C4orf50: variants seen among roughly 807,000 people sequenced by gnomAD.
C4orf50 encodes the protein uncharacterized protein C4orf50.
Under a neutral mutation model 77.2 loss-of-function variants are expected in C4orf50, and 80 were observed. That is an observed-to-expected ratio of 1.04 (90% CI 0.87 to 1.25). The LOEUF is 1.25. Ranked by LOEUF, C4orf50 falls within the 50% of genes most tolerant of loss-of-function variation. The probability of loss-of-function intolerance (pLI) is 0.00; values close to 1 mark genes in which losing one functional copy is unlikely to be tolerated. For synonymous variants in C4orf50, 532 were observed against 465.3 expected, an observed-to-expected ratio of 1.14 and a Z score of -1.84; for missense variants, 1,257 against 1,152.9, an observed-to-expected ratio of 1.09 and a Z score of -1.31.
At chr4:5,985,499 T>C (rs914959024) in intron 28 of C4orf50, among the ~76,000 whole-genome samples, 16 of 152,024 alleles carry the variant, frequency 1.1e-4, no homozygotes, top group African/African-American at 3.9e-4. Context: ...TTTAAATAGT[T>C]ACTAGATACA....
At chr4:5,989,566 C>A (rs769149611) in exon 28 of C4orf50, 1 of 1,536,034 alleles carries the variant, frequency 6.5e-7, no homozygotes, top group African/African-American at 1.4e-5. Flanking sequence ...TGAGCACTGC[C>A]AGCCCCTGCT....
chr4:6,009,070 T>C lies in C4orf50; in HGVS notation c.427-538A>G, dbSNP rs935307431. Among the ~76,000 whole-genome samples, 1 of 151,816 alleles carries C rather than the reference T, an allele frequency of 6.6e-6. No homozygotes were observed. Among genetic ancestry groups the C allele is most frequent in the African/African-American group, 2.4e-5 (1 of 41,318 alleles). On this transcript the variant is annotated intron_variant, in intron 24 of 33. Coordinates refer to ENST00000531445, the Ensembl canonical transcript of C4orf50. This position sits in a 1 kb window ranked among gnomAD's most constrained non-coding sequence, Gnocchi z 5.6. Reference sequence around the variant, plus strand: ...TGTGGATACTCCACCTGGAGGGAGGTACGTTACTAGCCTGAGAGACACTCA... The same window carrying C: ...TGTGGATACTCCACCTGGAGGGAGGCACGTTACTAGCCTGAGAGACACTCA...
intron 7 of C4orf50, among the ~76,000 whole-genome samples, chr4:5,914,511 G>A (rs1487405770): frequency 2.0e-5 from 3 of 151,868 alleles, no homozygotes; most frequent in African/African-American, 7.3e-5. Flanking sequence ...GCCTTTTATG[G>A]GTTTTAATGT....
At chr4:6,003,701 A>C (rs1721958904) in intron 25 of C4orf50, among the ~76,000 whole-genome samples, 1 of 138,070 alleles carries the variant, frequency 7.2e-6, no homozygotes, top group Admixed American at 7.3e-5. Flanking sequence ...GATGATAGTG[A>C]TGGTGATGAT....
chr4:5,996,868 G>T (rs1046207645), intron 25 of C4orf50, among the ~76,000 whole-genome samples: 5 of 152,220 alleles, frequency 3.3e-5, no homozygotes, highest in Admixed American at 6.5e-5. Context: ...GCTGTCCCAC[G>T]TTCTCACGGT....
At position 5,901,074 on chromosome 4, in the gene C4orf50, A is replaced by C. The variant is rs1179300621; in HGVS notation, c.*2475-2886T>G. ...ACCTATTTTAAGAACAGTGCCTAGC[A>C]GTTCATGGGGAAACGTTGCTATGCC... On this transcript the variant is annotated intron_variant, in intron 7 of 7. Transcript: ENST00000324058. This position sits in a 1 kb window ranked among gnomAD's most constrained non-coding sequence, Gnocchi z 4.4. The C allele has an allele frequency of 6.6e-6, 1 of 152,240 alleles. No individual in the cohort carries two copies. 9.4% of individuals were successfully genotyped at this position (152,240 alleles called of 1,614,324 possible). A position where few individuals can be genotyped will look rare whatever the true frequency, so the allele number is the denominator to read the frequency against.
At chr4:5,980,236 C>T (rs115995866) in exon 29 of C4orf50, 1 of 1,611,806 alleles carries the variant, frequency 6.2e-7, no homozygotes, top group Non-Finnish European at 8.5e-7. Context: ...TGGGCAGCGC[C>T]CTGGTCCCTG....
At chr4:5,950,973 G>A (rs1718689491) in intron 7 of C4orf50, among the ~76,000 whole-genome samples, 1 of 152,236 alleles carries the variant, frequency 6.6e-6, no homozygotes, top group Non-Finnish European at 1.5e-5. Flanking sequence ...AAGCATGAGT[G>A]AGACAAGGTG....
At chr4:5,927,987 C>G (rs882219) in intron 7 of C4orf50, among the ~76,000 whole-genome samples, 1 of 151,962 alleles carries the variant, frequency 6.6e-6, no homozygotes, top group Non-Finnish European at 1.5e-5. Flanking sequence ...CAAGCTCCAC[C>G]GCACAGGAGG....
chr4:5,898,905 T>C (rs966657094), intron 7 of C4orf50: 1 of 152,356 alleles, frequency 6.6e-6, no homozygotes, highest in Admixed American at 6.5e-5. Flanking sequence ...TTTCCATTAC[T>C]CAATACATTA....
chr4:5,980,320 C>T (rs772043256), exon 29 of C4orf50: 25 of 1,610,914 alleles, frequency 1.6e-5, no homozygotes, highest in South Asian at 3.3e-5. Flanking sequence ...TCAGTAACCT[C>T]GGCCTCTGAG....
intron 7 of C4orf50, among the ~76,000 whole-genome samples, chr4:5,950,863 T>A (rs1253603662): frequency 1.3e-5 from 2 of 152,190 alleles, no homozygotes; most frequent in Non-Finnish European, 2.9e-5. Context: ...TAAGCATTGA[T>A]CATGGGAATG....
Position 5,968,611 on chromosome 4 carries a change from T to G in C4orf50, c.4105-1149A>C, listed in dbSNP as rs530632814. On this transcript the variant is annotated intron_variant, in intron 31 of 33. Transcript: ENST00000531445. ...CAGCCTTGAGACCTTCACTCTATCC[T>G]TCCAGCTGTTAAATCCTGCTTTCTG... Among the ~76,000 whole-genome samples, 13 of 152,324 alleles carry G rather than the reference T, an allele frequency of 8.5e-5. No homozygotes were observed. The South Asian group carries it at 1.9e-3, about 22-fold the overall frequency.
chr4:5,961,238 C>A (rs940748296), intron 33 of C4orf50, among the ~76,000 whole-genome samples: 6 of 152,184 alleles, frequency 3.9e-5, no homozygotes, highest in Non-Finnish European at 7.3e-5. Flanking sequence ...TCGCTCAAAC[C>A]TGGGAGGCAG....
rs147713259 is a variant in C4orf50 at position 5,972,587 on chromosome 4, C to T, written c.4104+1072G>A. ...ATGATTTGGACCAGAGGGGACCTCTCAAGGCTGTGAGGAAAAGGAAGGGTC... is the reference window on the plus strand; with the variant it reads ...ATGATTTGGACCAGAGGGGACCTCTTAAGGCTGTGAGGAAAAGGAAGGGTC... On this transcript the variant is annotated intron_variant, in intron 31 of 33. Coordinates refer to ENST00000531445, the Ensembl canonical transcript of C4orf50. Among the ~76,000 whole-genome samples the T allele has an allele frequency of 8.3e-3, 1,269 of 152,308 alleles. 22 individuals are homozygous for T. Among genetic ancestry groups the T allele is most frequent in the African/African-American group, 0.029 (1,194 of 41,564 alleles).
rs1721327965 is a variant in C4orf50, at chr4:5,992,192, T to C, written c.1221+611A>G. 1.3e-5 allele frequency among the ~76,000 whole-genome samples: 2 copies of C among 152,142 alleles called. No individual in the cohort carries two copies. The highest frequency in any genetic ancestry group is 4.1e-4 in the South Asian group (2 of 4,826). On this transcript the variant is annotated intron_variant, in intron 27 of 33. Coordinates refer to ENST00000531445, the Ensembl canonical transcript of C4orf50. The surrounding 1 kb of genome is among the most constrained non-coding windows in gnomAD (Gnocchi z 5.0). ...GACATCCAACAACAAAAATAAGAGA[T>C]ACATCGTGAGCAGGATGTGAATGAA...
chr4:5,991,937 A>G (rs1382831747), intron 27 of C4orf50, among the ~76,000 whole-genome samples: 1 of 152,200 alleles, frequency 6.6e-6, no homozygotes, highest in Non-Finnish European at 1.5e-5. Context: ...ATGTCCTTCC[A>G]TCCAGACACC....
chr4:6,016,882 C>T (rs1722703820), intron 23 of C4orf50, among the ~76,000 whole-genome samples: 1 of 152,140 alleles, frequency 6.6e-6, no homozygotes, highest in South Asian at 2.1e-4. Context: ...AAGGCAAGTA[C>T]AAGAAAATGG....
At chr4:5,918,324 C>T (rs899198137) in intron 7 of C4orf50, among the ~76,000 whole-genome samples, 1 of 152,204 alleles carries the variant, frequency 6.6e-6, no homozygotes. Context: ...GGGAGGGCCT[C>T]GCTCAAGGCT....
Sources: allele counts gnomAD v4.1 joint callset (sites outside exome capture counted in the v4.1 genomes callset), GRCh38; gene constraint gnomAD v4.1.1; non-coding constraint Gnocchi (gnomAD v3.1); transcripts MANE v1.5; gene names NCBI Gene and HGNC (gene_info 2026-07-23, HGNC 2026-07-21).